Variants in PCDH9 observed in about 807,000 individuals in gnomAD.
PCDH9 encodes the protein protocadherin 9, also known as protocadherin-9.
A neutral mutation model predicts 70.6 loss-of-function variants in PCDH9; 24 were observed. The ratio of observed to expected loss-of-function variants is 0.34; its 90% CI spans 0.25 to 0.48. The LOEUF (loss-of-function observed/expected upper bound fraction) is 0.48, where lower values mean the gene tolerates loss of function less well. Among genes scored for constraint, PCDH9 ranks in the 20% least tolerant of loss-of-function variants. PCDH9 has a pLI of 0.99. For missense variants in PCDH9, 1,281 were observed against 1,503.6 expected (o/e 0.85, Z 2.45); for synonymous variants, 562 against 558.5 (o/e 1.01, Z -0.09).
At chr13:66,576,258 A>T (rs1288000168) in intron 4 of PCDH9, among the ~76,000 whole-genome samples, 1 of 152,056 alleles carries the variant, frequency 6.6e-6, no homozygotes, top group Non-Finnish European at 1.5e-5. Context: ...AAAAATGTTA[A>T]TTATAAATGA....
At chr13:66,759,536 C>G (rs2079589390) in intron 3 of PCDH9, among the ~76,000 whole-genome samples, 1 of 151,882 alleles carries the variant, frequency 6.6e-6, no homozygotes, top group African/African-American at 2.4e-5. Flanking sequence ...TAATTGTTTT[C>G]TAGTTATTTT....
intron 3 of PCDH9, among the ~76,000 whole-genome samples, chr13:66,675,992 A>G (rs546818225): frequency 8.2e-4 from 125 of 152,242 alleles, no homozygotes; most frequent in African/African-American, 2.8e-3. Context: ...AGATTGTTCA[A>G]TTTCTCCCCA....
chr13:66,363,643 C>G (rs954721755), intron 4 of PCDH9, among the ~76,000 whole-genome samples: 2 of 152,112 alleles, frequency 1.3e-5, no homozygotes, highest in African/African-American at 4.8e-5. Context: ...ACAGAAAATT[C>G]TATAACCAAA....
At chr13:66,419,264 C>T (rs1957519388) in intron 4 of PCDH9, among the ~76,000 whole-genome samples, 1 of 152,022 alleles carries the variant, frequency 6.6e-6, no homozygotes, top group Admixed American at 6.6e-5. Context: ...AATTTCAGGC[C>T]AATATCCCTG....
At chr13:66,311,776 A>G (rs1318088021) in intron 4 of PCDH9, among the ~76,000 whole-genome samples, 15 of 152,206 alleles carry the variant, frequency 9.9e-5, no homozygotes, top group Non-Finnish European at 2.2e-4. Flanking sequence ...ATGTCATACA[A>G]TAATAAATAG....
At chr13:66,931,205 T>G (rs1010980880) in intron 2 of PCDH9, among the ~76,000 whole-genome samples, 9 of 152,200 alleles carry the variant, frequency 5.9e-5, no homozygotes, top group Non-Finnish European at 1.2e-4. Flanking sequence ...GTTATGTATT[T>G]TTATTTATGA....
intron 4 of PCDH9, among the ~76,000 whole-genome samples, chr13:66,358,244 A>C (rs1956416878): frequency 6.6e-6 from 1 of 151,992 alleles, no homozygotes; most frequent in Non-Finnish European, 1.5e-5. Context: ...CAGTTTTATA[A>C]AATATTAAAT....
intron 3 of PCDH9, among the ~76,000 whole-genome samples, chr13:66,882,841 A>G (rs1010963315): frequency 6.6e-6 from 1 of 152,144 alleles, no homozygotes; most frequent in African/African-American, 2.4e-5. Context: ...TCAGTGCATA[A>G]GGTCTATCAG....
At chr13:66,615,975 T>A (rs2077350694) in intron 4 of PCDH9, among the ~76,000 whole-genome samples, 1 of 152,242 alleles carries the variant, frequency 6.6e-6, no homozygotes. Flanking sequence ...CTGGAAATAC[T>A]GTTAATTTTA....
intron 4 of PCDH9, among the ~76,000 whole-genome samples, chr13:66,468,124 T>G (rs1051148773): frequency 1.3e-5 from 2 of 151,976 alleles, no homozygotes; most frequent in Non-Finnish European, 2.9e-5. Context: ...AAAAGTGTCC[T>G]AATTACCTTT....
chr13:66,809,011 T>G lies in PCDH9; in HGVS notation c.3138+94493A>C, dbSNP rs1328938971. Among the ~76,000 whole-genome samples, 11 of 152,284 alleles carry G rather than the reference T, an allele frequency of 7.2e-5. 1 individual carries two copies. The highest frequency in any genetic ancestry group is 6.8e-3 in the Middle Eastern group (2 of 294). On this transcript the variant is annotated intron_variant, in intron 3 of 4. Transcript: ENST00000377865. The stretch of plus-strand genomic sequence containing the variant: ...CACCCACGCTGGAGTGCGGTGGCGC[T>G]ATCTCGGCTCACTGCAAGCTCCGCC...
At chr13:66,349,851 C>A (rs761945860) in intron 4 of PCDH9, among the ~76,000 whole-genome samples, 2 of 152,090 alleles carry the variant, frequency 1.3e-5, no homozygotes, top group Admixed American at 1.3e-4. Flanking sequence ...TACTACTATG[C>A]GAGCACATCT....
In PCDH9 at chr13:67,149,319, C is replaced by T. The variant is rs112722426; in HGVS notation, c.3036+76086G>A. ...CTGGAATTCTGCTTTACTTCCTATG[C>T]GTGTCATGTTGGATATGACAATTTC... is the stretch of plus-strand genomic sequence containing the variant. On this transcript the variant is annotated intron_variant, in intron 2 of 4. Coordinates refer to ENST00000377865, the MANE Select transcript of PCDH9 (RefSeq NM_203487.3). Among the ~76,000 whole-genome samples the T allele has an allele frequency of 1.8e-4, 27 of 152,198 alleles. 1 individual carries two copies. Among genetic ancestry groups the T allele is most frequent in the African/African-American group, 6.3e-4 (26 of 41,522 alleles).
At chr13:66,942,068 T>C (rs1402000814) in intron 2 of PCDH9, among the ~76,000 whole-genome samples, 1 of 151,812 alleles carries the variant, frequency 6.6e-6, no homozygotes, top group Non-Finnish European at 1.5e-5. Flanking sequence ...ATATAACCCA[T>C]GGGCCAAAGA....
intron 2 of PCDH9, among the ~76,000 whole-genome samples, chr13:67,161,764 G>T (rs1279762797): frequency 1.3e-5 from 2 of 152,152 alleles, no homozygotes; most frequent in Non-Finnish European, 1.5e-5. Context: ...AGTTAGTCAG[G>T]GAGAATAATA....
chr13:66,850,024 A>G (rs1319161179), intron 3 of PCDH9, among the ~76,000 whole-genome samples: 1 of 151,964 alleles, frequency 6.6e-6, no homozygotes, highest in East Asian at 1.9e-4. Flanking sequence ...TGTTCTTGCA[A>G]TTTTCCACTT....
intron 3 of PCDH9, among the ~76,000 whole-genome samples, chr13:66,784,355 C>T (rs896578310): frequency 2.0e-5 from 3 of 151,946 alleles, no homozygotes; most frequent in African/African-American, 7.3e-5. Flanking sequence ...CTTTAGCTAC[C>T]TGGACTGAAA....
At chr13:66,574,376 A>C (rs1434424899) in intron 4 of PCDH9, among the ~76,000 whole-genome samples, 1 of 152,158 alleles carries the variant, frequency 6.6e-6, no homozygotes, top group Non-Finnish European at 1.5e-5. Context: ...TTCCTCATGC[A>C]AGTGATCTTG....
intron 3 of PCDH9, among the ~76,000 whole-genome samples, chr13:66,767,605 A>T (rs10492477): frequency 0.081 from 12,363 of 152,066 alleles, 524 homozygotes; most frequent in East Asian, 0.14. Context: ...CTTTTCAGGA[A>T]AGAGTTATGT....
Sources: gnomAD v4.1 joint callset for allele counts (sites outside exome capture counted in the v4.1 genomes callset) on GRCh38, gnomAD v4.1.1 for gene constraint, MANE v1.5 for transcripts, NCBI Gene and HGNC (gene_info 2026-07-23, HGNC 2026-07-21) for gene names.